GRB2: variants seen among roughly 807,000 people sequenced by gnomAD.
GRB2 encodes growth factor receptor bound protein 2.
A neutral mutation model predicts 27.4 loss-of-function variants in GRB2; 2 were observed. The ratio of observed to expected loss-of-function variants is 0.07; its 90% CI spans 0.03 to 0.23. The LOEUF (loss-of-function observed/expected upper bound fraction) is 0.23. Among genes scored for constraint, GRB2 ranks in the 10% least tolerant of loss-of-function variants. GRB2 has a pLI of 1.00. For missense variants in GRB2, 102 were observed against 282.4 expected (o/e 0.36, Z 4.58); for synonymous variants, 94 against 99.6 (o/e 0.94, Z 0.33).
At chr17:75,348,833 G>A (rs550002254) in intron 2 of GRB2, among the ~76,000 whole-genome samples, 8 of 152,218 alleles carry the variant, frequency 5.3e-5, no homozygotes, top group Non-Finnish European at 8.8e-5. Flanking sequence ...ACGCCGCCAC[G>A]CCTGGATAAT....
At chr17:75,371,262 A>G (rs1213764729) in intron 2 of GRB2, 1 of 152,130 alleles carries the variant, frequency 6.6e-6, no homozygotes, top group Non-Finnish European at 1.5e-5. Context: ...TAAGAAATCT[A>G]ACCAAGGTGC....
intron 2 of GRB2, among the ~76,000 whole-genome samples, chr17:75,391,583 C>T (rs528001774): frequency 1.9e-4 from 29 of 152,224 alleles, no homozygotes; most frequent in African/African-American, 6.0e-4. Context: ...CCGAGGTGGG[C>T]AGATCACGAG....
intron 2 of GRB2, among the ~76,000 whole-genome samples, chr17:75,355,759 T>G (rs988818139): frequency 6.6e-6 from 1 of 151,614 alleles, no homozygotes; most frequent in Non-Finnish European, 1.5e-5. Flanking sequence ...CTGTCACATA[T>G]CTATCCATCT....
intron 2 of GRB2, among the ~76,000 whole-genome samples, chr17:75,336,312 A>T (rs2078576468): frequency 6.6e-6 from 1 of 152,146 alleles, no homozygotes; most frequent in South Asian, 2.1e-4. Context: ...GTTTTTGAAA[A>T]TGTCTTAACT....
intron 2 of GRB2, among the ~76,000 whole-genome samples, chr17:75,384,837 G>A (rs900432221): frequency 1.3e-4 from 19 of 151,588 alleles, no homozygotes; most frequent in African/African-American, 4.4e-4. Flanking sequence ...AAAAAAAGAG[G>A]AAAAGACAGC....
At chr17:75,345,114 G>C (rs577477766) in intron 2 of GRB2, among the ~76,000 whole-genome samples, 1 of 152,100 alleles carries the variant, frequency 6.6e-6, no homozygotes, top group South Asian at 2.1e-4. Context: ...CGCAATCTCG[G>C]CTCACTGCAA....
intron 2 of GRB2, among the ~76,000 whole-genome samples, chr17:75,337,871 TTACTACTACTAC>T (rs1224394398): frequency 8.5e-6 from 1 of 117,630 alleles, no homozygotes; most frequent in African/African-American, 3.2e-5. Flanking sequence ...CGGCCTACTA[TTACTACTACTAC>T]TACTACTACT....
chr17:75,400,624 T>C (rs1342440921), intron 1 of GRB2, among the ~76,000 whole-genome samples: 1 of 152,044 alleles, frequency 6.6e-6, no homozygotes, highest in Non-Finnish European at 1.5e-5. Flanking sequence ...TCCAGGCGTG[T>C]CACCACCACC....
intron 2 of GRB2, among the ~76,000 whole-genome samples, chr17:75,364,834 C>T (rs940296959): frequency 6.6e-6 from 1 of 151,572 alleles, no homozygotes; most frequent in African/African-American, 2.4e-5. Context: ...CCATTCTATC[C>T]AAACATAAAA....
chr17:75,353,639 A>G (rs2145842004), intron 2 of GRB2, among the ~76,000 whole-genome samples: 1 of 152,060 alleles, frequency 6.6e-6, no homozygotes, highest in Admixed American at 6.5e-5. Flanking sequence ...ACATGCCTGT[A>G]ATCCCAGCTA....
intron 2 of GRB2, among the ~76,000 whole-genome samples, chr17:75,353,297 G>GT (rs1162103056): frequency 1.3e-5 from 2 of 151,906 alleles, no homozygotes; most frequent in Non-Finnish European, 2.9e-5. Context: ...GGCCCTCTGC[G>GT]TAAGTGGGCT....
At chr17:75,342,074 C>G (rs1487600195) in intron 2 of GRB2, among the ~76,000 whole-genome samples, 1 of 152,184 alleles carries the variant, frequency 6.6e-6, no homozygotes, top group East Asian at 1.9e-4. Flanking sequence ...TCCTTGTCTA[C>G]TGAAATCTTT....
rs143272402 is a variant in GRB2, at chr17:75,393,217, C to T, written c.78+334G>A. Among the ~76,000 whole-genome samples, 229 of 152,292 alleles carry T rather than the reference C, an allele frequency of 1.5e-3. 1 individual carries two copies. Among genetic ancestry groups the T allele is most frequent in the African/African-American group, 5.3e-3 (219 of 41,570 alleles). ...CAGGTCTGGGTCTTTTTAAAAAATG[C>T]TATTTTTAAAATAAAACTCTACAGG... is the stretch of plus-strand genomic sequence containing the variant. On this transcript the variant is annotated intron_variant, in intron 2 of 5. Transcript: ENST00000316804.
At chr17:75,373,062 A>G (rs2017918) in intron 2 of GRB2, 151,969 of 152,270 alleles carry the variant, frequency 1, 75,836 homozygotes, top group Middle Eastern at 1. Flanking sequence ...CCAACATGGC[A>G]CAACCAAATC....
chr17:75,341,355 G>A (rs147094576), intron 2 of GRB2, among the ~76,000 whole-genome samples: 2 of 149,736 alleles, frequency 1.3e-5, no homozygotes. Context: ...ATCGCTTGGA[G>A]GCAGGAGAAT....
chr17:75,364,382 G>C (rs2078806210), intron 2 of GRB2, among the ~76,000 whole-genome samples: 1 of 152,134 alleles, frequency 6.6e-6, no homozygotes, highest in Admixed American at 6.5e-5. Context: ...CAGAATTCAT[G>C]ACAAATTAGG....
chr17:75,366,167 G>GAA (rs373030168), intron 2 of GRB2, among the ~76,000 whole-genome samples: 9 of 148,434 alleles, frequency 6.1e-5, no homozygotes, highest in African/African-American at 2.2e-4. Flanking sequence ...GCAGAACTTG[G>GAA]AAAAAAAAAA....
At chr17:75,390,782 C>G (rs772442445) in intron 2 of GRB2, among the ~76,000 whole-genome samples, 2 of 152,146 alleles carry the variant, frequency 1.3e-5, no homozygotes, top group Non-Finnish European at 2.9e-5. Context: ...TCCTTCTGAA[C>G]TATAGACAGA....
At chr17:75,396,321 C>A (rs1484455998) in intron 1 of GRB2, among the ~76,000 whole-genome samples, 1 of 152,040 alleles carries the variant, frequency 6.6e-6, no homozygotes, top group African/African-American at 2.4e-5. Flanking sequence ...TGGCTTACTG[C>A]ATCCTTGATC....
Sources: gnomAD v4.1 joint callset for allele counts (sites outside exome capture counted in the v4.1 genomes callset) on GRCh38, gnomAD v4.1.1 for gene constraint, MANE v1.5 for transcripts, NCBI Gene and HGNC (gene_info 2026-07-23, HGNC 2026-07-21) for gene names.